The following INSL6 variants were observed in gnomAD, a reference collection of about 807,000 sequenced individuals.
INSL6 encodes insulin-like peptide INSL6.
Under a neutral mutation model 9.4 loss-of-function variants are expected in INSL6, and 16 were observed. That is an observed-to-expected ratio of 1.70 (90% CI 1.15 to 2.59). The LOEUF (loss-of-function observed/expected upper bound fraction) is 2.59. INSL6 is among the 30% of genes most tolerant of loss of function. The pLI, the probability that INSL6 is intolerant of heterozygous loss-of-function variation, is 0.00. For synonymous variants in INSL6, 154 were observed against 96.9 expected (o/e 1.59, Z -3.46); for missense variants, 391 against 257.3 (o/e 1.52, Z -3.56).
At chr9:5,026,016 T>C in the INSL6 span, among the ~76,000 whole-genome samples, 1 of 152,220 alleles carries the variant, frequency 6.6e-6, no homozygotes, top group African/African-American at 2.4e-5. Context: ...TGCCTCTTTT[T>C]TTCTTATTAT....
At chr9:5,029,494 T>A in the INSL6 span, among the ~76,000 whole-genome samples, 1 of 152,134 alleles carries the variant, frequency 6.6e-6, no homozygotes, top group African/African-American at 2.4e-5. Flanking sequence ...GCTGACAGAC[T>A]TACTAGATTC....
At chr9:5,072,637 T>A in the INSL6 span, 1 of 1,571,158 alleles carries the variant, frequency 6.4e-7, no homozygotes, top group Non-Finnish European at 8.7e-7. Flanking sequence ...GTGTGTATGT[T>A]CTTTATATTG....
In INSL6 at chr9:5,169,916, T is replaced by C. The variant is rs146976875; in HGVS notation, c.290-5651A>G. The stretch of plus-strand genomic sequence containing the variant: ...ACTTAAGACTCCCACACAATAATAG[T>C]GGGAGACTTTAACACTCCACTGTCA... On this transcript the variant is annotated intron_variant, in intron 1 of 1. Transcript: ENST00000381641. Among the ~76,000 whole-genome samples the C allele has an allele frequency of 2.2e-4, 33 of 152,302 alleles. No homozygotes were observed. In the East Asian group the frequency reaches 6.4e-3, roughly 29 times the overall value.
At chr9:5,168,693 C>A (rs958498187) in intron 1 of INSL6, among the ~76,000 whole-genome samples, 1 of 144,340 alleles carries the variant, frequency 6.9e-6, no homozygotes, top group African/African-American at 2.9e-5. Flanking sequence ...CCCAAATTAG[C>A]AAGACAGGCC....
the INSL6 span, among the ~76,000 whole-genome samples, chr9:4,998,763 C>A: frequency 1.3e-5 from 2 of 151,588 alleles, no homozygotes; most frequent in African/African-American, 4.8e-5. Context: ...CAACAAAAAA[C>A]CAAAACCAGA....
intron 1 of INSL6, among the ~76,000 whole-genome samples, chr9:5,168,870 A>C (rs2046085667): frequency 6.6e-6 from 1 of 152,066 alleles, no homozygotes; most frequent in Non-Finnish European, 1.5e-5. Context: ...CACTAACAGC[A>C]GGCCTCTCAG....
intron 2 of INSL6, among the ~76,000 whole-genome samples, chr9:5,150,692 A>G (rs77778016): frequency 0.023 from 3,463 of 152,258 alleles, 148 homozygotes; most frequent in African/African-American, 0.08. Context: ...TACAACTACT[A>G]TTTAATCCAG....
At chr9:5,069,177 G>A in the INSL6 span, 1 of 1,609,836 alleles carries the variant, frequency 6.2e-7, no homozygotes, top group South Asian at 1.1e-5. Context: ...TAATTTTCCA[G>A]TTTACTAAAT....
chr9:5,069,626 G>C, the INSL6 span, among the ~76,000 whole-genome samples: 81 of 152,144 alleles, frequency 5.3e-4, no homozygotes, highest in African/African-American at 1.9e-3. Context: ...CTGAAAAATT[G>C]TATGAGTTAA....
At chr9:5,018,364 C>T in the INSL6 span, among the ~76,000 whole-genome samples, 2 of 152,202 alleles carry the variant, frequency 1.3e-5, no homozygotes, top group South Asian at 2.1e-4. Flanking sequence ...GGGTTTTGCT[C>T]TTGTTCTGTC....
Position 5,185,363 on chromosome 9 carries a change from G to A in INSL6, c.240C>T (p.Phe80=), listed in dbSNP as rs749952049. 51 of 1,614,088 alleles carry A rather than the reference G, an allele frequency of 3.2e-5. No individual in the cohort carries two copies. The highest frequency in any genetic ancestry group is 4.1e-5 in the Non-Finnish European group (48 of 1,179,998). ...EKVEAYSPYQ[F]ESPQTASPAR... is the part of the protein sequence containing the mutation. ...CCGGGGAAGCGGTTTGCGGGCTTTC[G>A]AACTGGTATGGGCTGTAGGCTTCGA... Residue 80 remains phenylalanine (F), a synonymous_variant, in exon 1 of 2, where the codon TTC becomes TTT. Transcript: ENST00000381641.
the INSL6 span, among the ~76,000 whole-genome samples, chr9:5,065,684 T>C: frequency 6.6e-6 from 1 of 152,186 alleles, no homozygotes; most frequent in Non-Finnish European, 1.5e-5. Flanking sequence ...CTTACTTTAA[T>C]ACTGGGTAAA....
At chr9:5,111,602 G>A in the INSL6 span, 1 of 368,150 alleles carries the variant, frequency 2.7e-6, no homozygotes, top group Non-Finnish European at 5.3e-6. Context: ...GAGTTCCCTG[G>A]GCCAGGTGGG....
downstream of INSL6, among the ~76,000 whole-genome samples, chr9:5,120,283 C>T (rs1176986522): frequency 1.3e-4 from 20 of 152,312 alleles, 1 homozygote; most frequent in East Asian, 2.5e-3. Flanking sequence ...GCCCTCATGG[C>T]GTAATCATCT....
chr9:5,008,832 T>A, the INSL6 span, among the ~76,000 whole-genome samples: 5 of 152,202 alleles, frequency 3.3e-5, no homozygotes, highest in Non-Finnish European at 7.3e-5. Context: ...TCGTCCTCCA[T>A]CTAGAGCTTC....
At chr9:5,051,131 T>G in the INSL6 span, among the ~76,000 whole-genome samples, 5 of 152,184 alleles carry the variant, frequency 3.3e-5, no homozygotes, top group South Asian at 8.3e-4. Context: ...TTTCAGATAT[T>G]TGCAAGAGGG....
chr9:5,163,373 AC>A (rs1824968115), downstream of INSL6, among the ~76,000 whole-genome samples: 2 of 152,020 alleles, frequency 1.3e-5, no homozygotes, highest in Non-Finnish European at 2.9e-5. Context: ...GATTCACTAA[AC>A]TCTCTTTTAA....
At chr9:5,117,056 C>T in the INSL6 span, among the ~76,000 whole-genome samples, 2 of 152,170 alleles carry the variant, frequency 1.3e-5, no homozygotes, top group African/African-American at 2.4e-5. Flanking sequence ...CTTGCCTTTC[C>T]ACTTTCATCC....
the INSL6 span, among the ~76,000 whole-genome samples, chr9:4,997,402 G>C: frequency 1.3e-5 from 2 of 152,174 alleles, no homozygotes; most frequent in African/African-American, 2.4e-5. Context: ...AAAGCTAAGA[G>C]GGAGCAGGAA....
Sources: gnomAD v4.1 joint callset for allele counts (sites outside exome capture counted in the v4.1 genomes callset) on GRCh38, gnomAD v4.1.1 for gene constraint, MANE v1.5 for transcripts, NCBI Gene and HGNC (gene_info 2026-07-23, HGNC 2026-07-21) for gene names.